Variants in CHD1 observed in about 807,000 individuals in gnomAD.
CHD1 encodes chromodomain helicase DNA binding protein 1.
In CHD1, 36 loss-of-function variants were observed where a neutral mutation model predicts 224.2. The ratio of observed to expected loss-of-function variants is 0.16; its 90% CI spans 0.12 to 0.21. CHD1 has a LOEUF of 0.21. Among genes scored for constraint, CHD1 ranks in the 10% least tolerant of loss-of-function variants. The pLI is 1.00. For synonymous variants in CHD1, 668 were observed against 658.3 expected (o/e 1.01, Z -0.23); for missense variants, 1,378 against 1,994.8 (o/e 0.69, Z 5.89).
Position 98,904,948 on chromosome 5 carries a change from A to G in CHD1, c.204T>C (p.Thr68=), listed in dbSNP as rs748562945. The G allele has an allele frequency of 2.5e-6, 4 of 1,613,770 alleles. No individual in the cohort carries two copies. In the African/African-American group the frequency reaches 4.0e-5, roughly 16 times the overall value. The change falls in exon 3 of 36, where the codon ACT becomes ACC. Residue 68 remains threonine (T), a synonymous_variant. Coordinates refer to ENST00000614616, the MANE Select transcript of CHD1 (RefSeq NM_001270.4). ...TTGCTTGAACTTTGTTTTCTCGGGA[A>G]GTGTCTGACTCAGACTCTGACTGAC... ...SGSQSESESD[T]SRENKVQAKP... is the part of the protein sequence containing the mutation.
intron 2 of CHD1, among the ~76,000 whole-genome samples, chr5:98,913,447 C>G (rs1399784554): frequency 2.6e-5 from 4 of 152,118 alleles, no homozygotes; most frequent in Non-Finnish European, 4.4e-5. Flanking sequence ...TGCACTATAG[C>G]CTGGACAAGA....
At chr5:98,898,143 A>G in intron 10 of CHD1, 113 bp downstream of exon 10, 4 of 521,682 alleles carry the variant, frequency 7.7e-6, no homozygotes, top group Non-Finnish European at 1.2e-5. Flanking sequence ...TAACCAAGAA[A>G]TATTCTCCCT....
intron 35 of CHD1, 113 bp from the exon 36 acceptor site, chr5:98,856,838 A>G: frequency 2.7e-6 from 2 of 734,178 alleles, no homozygotes; most frequent in Non-Finnish European, 4.4e-6. Context: ...AATTGTATAG[A>G]AATTCAGTGT....
At chr5:98,881,512 C>CCT (rs1561503812) in intron 20 of CHD1, 137 bp from the exon 21 acceptor site, 9 of 444,934 alleles carry the variant, frequency 2.0e-5, no homozygotes, top group African/African-American at 1.5e-4. Flanking sequence ...TATTAGAATC[C>CCT]TTTTTTTTTT....
chr5:98,900,939 T>C lies in CHD1; in HGVS notation c.731A>G (p.Glu244Gly). 1 of 1,614,100 alleles carries C rather than the reference T, an allele frequency of 6.2e-7. No individual in the cohort carries two copies. ...RQATVNVSYK[E>G]DEEMKTDSDD... is the part of the protein sequence containing the mutation. The stretch of plus-strand genomic sequence containing the variant: ...AGAATCTGTTTTCATTTCTTCATCC[T>C]CCTTATAGCTAACATTAACAGTTGC... The change falls in exon 7 of 36, where the codon GAG (glutamate) becomes GGG (glycine). Residue 244 changes from glutamate to glycine, a missense_variant. By Grantham distance (98) the Glu-to-Gly change is moderately conservative (BLOSUM62 -2). Around this residue, in one of 16 missense-constraint regions of CHD1, gnomAD observed 306 missense variants for 298.1 expected, o/e 1.03. Transcript: ENST00000614616.
intron 2 of CHD1, among the ~76,000 whole-genome samples, chr5:98,908,057 T>G (rs1752161849): frequency 6.6e-6 from 1 of 152,186 alleles, no homozygotes; most frequent in South Asian, 2.1e-4. Context: ...TGGCCTTTCT[T>G]TTTTGTCTTC....
intron 12 of CHD1, 121 bp from the exon 13 acceptor site, chr5:98,894,807 T>G (rs1342826043): frequency 2.1e-6 from 1 of 482,418 alleles, no homozygotes; most frequent in East Asian, 4.0e-5. Context: ...TATGTTTATG[T>G]AATAAAAGAG....
intron 23 of CHD1, 57 bp from the exon 24 acceptor site, chr5:98,876,615 G>T: frequency 1.4e-6 from 2 of 1,402,342 alleles, no homozygotes; most frequent in South Asian, 1.2e-5. Context: ...TATCTTAAGA[G>T]CAAAAACCAT....
At chr5:98,911,133 A>G (rs1215332841) in intron 2 of CHD1, among the ~76,000 whole-genome samples, 10 of 66,224 alleles carry the variant, frequency 1.5e-4, no homozygotes, top group African/African-American at 5.1e-4. Flanking sequence ...CTAAAATGAA[A>G]AAAAAAAAAA....
At position 98,901,101 on chromosome 5, in the gene CHD1, A is replaced by C; in HGVS notation, c.588-19T>G. 6.4e-7 allele frequency: 1 copy of C among 1,558,850 alleles called. No individual in the cohort carries two copies. The highest frequency in any genetic ancestry group is 8.6e-7 in the Non-Finnish European group (1 of 1,158,764). On this transcript the variant is annotated intron_variant, in intron 6 of 35. Coordinates refer to ENST00000614616, the MANE Select transcript of CHD1 (RefSeq NM_001270.4). ...CTTAGATCTAGGAAAGTGCAAAGAG[A>C]AAAAAAAACAAGATTTGAGAAACTA...
At chr5:98,857,481 A>G (rs1455397962) in intron 35 of CHD1, among the ~76,000 whole-genome samples, 1 of 152,082 alleles carries the variant, frequency 6.6e-6, no homozygotes, top group African/African-American at 2.4e-5. Flanking sequence ...TCTCAAAGAA[A>G]TTATTGTAAT....
chr5:98,866,972 C>T (rs1748920378), intron 31 of CHD1, among the ~76,000 whole-genome samples: 1 of 152,068 alleles, frequency 6.6e-6, no homozygotes. Flanking sequence ...AATCACTTAT[C>T]GATTTCTGAG....
intron 8 of CHD1, 85 bp downstream of exon 8, chr5:98,899,395 A>T: frequency 3.5e-6 from 3 of 849,274 alleles, no homozygotes; most frequent in South Asian, 1.7e-5. Context: ...GCTATCATTT[A>T]ATGTTACTAT....
At chr5:98,881,225 A>C (rs1339522735) in intron 21 of CHD1, 54 bp from the exon 22 acceptor site, 1 of 1,420,386 alleles carries the variant, frequency 7.0e-7, no homozygotes. Flanking sequence ...ATCCTGTCAA[A>C]TATATGACAC....
intron 35 of CHD1, 48 bp downstream of exon 35, chr5:98,858,132 G>T: frequency 6.9e-7 from 1 of 1,444,092 alleles, no homozygotes; most frequent in Non-Finnish European, 9.7e-7. Flanking sequence ...TCATGATAAG[G>T]AGAAAAACAT....
At chr5:98,879,472 A>C (rs1400332451) in intron 23 of CHD1, 80 bp downstream of exon 23, 2 of 1,287,290 alleles carry the variant, frequency 1.6e-6, no homozygotes, top group Non-Finnish European at 2.1e-6. Context: ...CTATGGACTG[A>C]TACCTCGTAG....
Position 98,879,685 on chromosome 5 carries a change from T to C in CHD1, c.3104A>G (p.Glu1035Gly). Residue 1035 changes from glutamate to glycine, a missense_variant, in exon 23 of 36, where the codon GAA (glutamate) becomes GGA (glycine). Physicochemically the swap from Glu to Gly is moderately conservative, Grantham distance 98. Transcript: ENST00000614616. ...SNMDEDDIELEPERNSKNWEE... is the reference protein window; with the variant it reads ...SNMDEDDIELGPERNSKNWEE... ...CCAATTCTTTGAATTTCTTTCAGGT[T>C]CCAACTCAATGTCATCCTCATCCAT... 1 of 1,608,334 alleles carries C rather than the reference T, an allele frequency of 6.2e-7. No homozygotes were observed. The highest frequency in any genetic ancestry group is 8.5e-7 in the Non-Finnish European group (1 of 1,178,774).
intron 2 of CHD1, among the ~76,000 whole-genome samples, chr5:98,911,367 A>C (rs1388940633): frequency 2.0e-5 from 3 of 151,764 alleles, no homozygotes; most frequent in South Asian, 4.2e-4. Context: ...GCTCTGATAG[A>C]GCTCTGAATG....
intron 23 of CHD1, among the ~76,000 whole-genome samples, chr5:98,878,228 T>A (rs1487086035): frequency 6.6e-6 from 1 of 152,180 alleles, no homozygotes; most frequent in African/African-American, 2.4e-5. Flanking sequence ...AAAACTTTCC[T>A]CCATGGTACA....
Sources: allele counts gnomAD v4.1 joint callset (sites outside exome capture counted in the v4.1 genomes callset), GRCh38; gene constraint gnomAD v4.1.1; regional missense constraint gnomAD v4.1.1; transcripts MANE v1.5; gene names NCBI Gene and HGNC (gene_info 2026-07-23, HGNC 2026-07-21).